Variants in USH2A observed in about 807,000 individuals in gnomAD.
The protein encoded by USH2A is usherin.
A neutral mutation model predicts 538.9 loss-of-function variants in USH2A; 443 were observed. The observed-to-expected ratio is 0.82, with a 90% CI of 0.76 to 0.89. The LOEUF (loss-of-function observed/expected upper bound fraction) is 0.89. Among genes scored for constraint, USH2A ranks in the 40% least tolerant of loss-of-function variants. USH2A has a pLI of 0.00. For synonymous variants in USH2A, 2,413 were observed against 2,273.5 expected, an observed-to-expected ratio of 1.06 and a Z score of -1.75; for missense variants, 6,633 against 6,324.8, an observed-to-expected ratio of 1.05 and a Z score of -1.65.
At chr1:215,781,108 C>T (rs576103785) in intron 54 of USH2A, among the ~76,000 whole-genome samples, 1 of 152,234 alleles carries the variant, frequency 6.6e-6, no homozygotes, top group Admixed American at 6.5e-5. Flanking sequence ...TGGTAGCATT[C>T]CCCAGTGCTC....
chr1:216,272,003 G>A (rs1365276960), intron 11 of USH2A, among the ~76,000 whole-genome samples: 2 of 152,092 alleles, frequency 1.3e-5, no homozygotes, highest in Middle Eastern at 3.2e-3. Flanking sequence ...TGGGATTAAA[G>A]TTAGGTAGCC....
At position 215,975,298 on chromosome 1, in the gene USH2A, T is replaced by G. The variant is rs182794105; in HGVS notation, c.6806-4522A>C. Among the ~76,000 whole-genome samples, 1,342 of 152,306 alleles carry G rather than the reference T, an allele frequency of 8.8e-3. 12 individuals carry two copies. The highest frequency in any genetic ancestry group is 0.023 in the South Asian group (111 of 4,826). ...ATTTGTCTGTTTACTCTGTTGATAG[T>G]TTATTTTGCTGTGCTGAAGCTCTTT... On this transcript the variant is annotated intron_variant, in intron 35 of 71. Transcript: ENST00000307340.
chr1:215,903,053 T>C (rs571696531), intron 38 of USH2A, among the ~76,000 whole-genome samples: 79 of 152,006 alleles, frequency 5.2e-4, no homozygotes, highest in African/African-American at 1.9e-3. Context: ...GAGGCCTCTC[T>C]AGGAAAGGAT....
intron 32 of USH2A, among the ~76,000 whole-genome samples, chr1:216,045,021 C>T (rs1558228749): frequency 6.6e-6 from 1 of 152,168 alleles, no homozygotes; most frequent in Non-Finnish European, 1.5e-5. Context: ...CCAGCATCTA[C>T]ATGTGCCCCC....
At chr1:215,895,051 T>A (rs1665295855) in intron 40 of USH2A, among the ~76,000 whole-genome samples, 1 of 152,222 alleles carries the variant, frequency 6.6e-6, no homozygotes, top group African/African-American at 2.4e-5. Context: ...TCTTTCACTC[T>A]AACTATGGTT....
chr1:216,343,899 T>A (rs1374545450), intron 4 of USH2A, among the ~76,000 whole-genome samples: 1 of 152,098 alleles, frequency 6.6e-6, no homozygotes, highest in Non-Finnish European at 1.5e-5. Flanking sequence ...AATTACCATA[T>A]GTTTTCTGCT....
intron 20 of USH2A, among the ~76,000 whole-genome samples, chr1:216,184,931 A>G (rs1024656686): frequency 3.9e-5 from 6 of 151,994 alleles, no homozygotes; most frequent in Non-Finnish European, 8.8e-5. Flanking sequence ...TGTAGTATGG[A>G]GGTCAATTTA....
chr1:215,898,245 C>T (rs1026317777), intron 40 of USH2A, among the ~76,000 whole-genome samples: 13 of 152,126 alleles, frequency 8.5e-5, no homozygotes, highest in Non-Finnish European at 1.6e-4. Context: ...GTTACTAATT[C>T]TTACTTAAGG....
At chr1:215,716,479 G>A (rs574249309) in intron 61 of USH2A, among the ~76,000 whole-genome samples, 3 of 152,238 alleles carry the variant, frequency 2.0e-5, no homozygotes, top group South Asian at 2.1e-4. Context: ...ATGGGCACAG[G>A]TATCCAGCCA....
At chr1:215,940,868 T>A (rs1474144758) in intron 37 of USH2A, among the ~76,000 whole-genome samples, 4 of 152,126 alleles carry the variant, frequency 2.6e-5, no homozygotes, top group African/African-American at 9.7e-5. Context: ...CATGCACTAT[T>A]TTATCAACTC....
intron 21 of USH2A, among the ~76,000 whole-genome samples, chr1:216,156,118 G>A (rs1188250792): frequency 6.6e-6 from 1 of 151,914 alleles, no homozygotes; most frequent in African/African-American, 2.4e-5. Flanking sequence ...GCCTCACCAT[G>A]CACCCTTCTG....
At chr1:216,160,049 TC>T (rs200841125) in intron 21 of USH2A, among the ~76,000 whole-genome samples, 2,369 of 152,188 alleles carry the variant, frequency 0.016, 66 homozygotes, top group African/African-American at 0.054. Flanking sequence ...CTTTCTCCTT[TC>T]CTTGATCACT....
intron 3 of USH2A, among the ~76,000 whole-genome samples, chr1:216,406,158 C>A (rs887709799): frequency 6.6e-6 from 1 of 151,956 alleles, no homozygotes; most frequent in African/African-American, 2.4e-5. Flanking sequence ...TCATATGGAT[C>A]TAAACATATA....
chr1:215,841,364 G>C (rs549467826), intron 46 of USH2A, among the ~76,000 whole-genome samples: 1 of 151,932 alleles, frequency 6.6e-6, no homozygotes, highest in African/African-American at 2.4e-5. Context: ...CCAATGGAAC[G>C]GAATAGAGAT....
At chr1:216,263,420 A>C (rs1456125300) in intron 11 of USH2A, among the ~76,000 whole-genome samples, 1 of 152,184 alleles carries the variant, frequency 6.6e-6, no homozygotes, top group African/African-American at 2.4e-5. Context: ...ATTACATACC[A>C]GGATCAAGTG....
chr1:215,935,922 G>T (rs76295668), intron 37 of USH2A, among the ~76,000 whole-genome samples: 6 of 151,972 alleles, frequency 3.9e-5, no homozygotes, highest in Admixed American at 1.3e-4. Flanking sequence ...GTATGAGCCT[G>T]TAGTTCTAGC....
chr1:216,048,710 T>C, intron 30 of USH2A, 63 bp from the exon 31 acceptor site: 1 of 1,284,876 alleles, frequency 7.8e-7, no homozygotes, highest in Non-Finnish European at 1.1e-6. Context: ...AAGAGCATTG[T>C]GTGTATATCT....
chr1:216,333,460 A>G (rs2037908673), intron 4 of USH2A, among the ~76,000 whole-genome samples: 1 of 152,076 alleles, frequency 6.6e-6, no homozygotes, highest in Admixed American at 6.6e-5. Flanking sequence ...AAAGCCCCAG[A>G]AAGCTGTGGG....
intron 64 of USH2A, among the ~76,000 whole-genome samples, chr1:215,655,246 T>C (rs565997988): frequency 6.6e-6 from 1 of 152,360 alleles, no homozygotes; most frequent in South Asian, 2.1e-4. Flanking sequence ...TTTCTATTTG[T>C]TATGTCTCTT....
Sources: allele counts gnomAD v4.1 joint callset (sites outside exome capture counted in the v4.1 genomes callset), GRCh38; gene constraint gnomAD v4.1.1; transcripts MANE v1.5; gene names NCBI Gene and HGNC (gene_info 2026-07-23, HGNC 2026-07-21).